OPCML: variants seen among roughly 807,000 people sequenced by gnomAD.
OPCML encodes the protein opioid-binding protein/cell adhesion molecule.
OPCML carries 13 observed loss-of-function variants against 37.8 expected under a neutral mutation model. The ratio of observed to expected loss-of-function variants is 0.34; its 90% CI spans 0.22 to 0.55. OPCML has a LOEUF of 0.55. Among genes scored for constraint, OPCML ranks in the 20% least tolerant of loss-of-function variants. The probability of loss-of-function intolerance (pLI) is 0.91; values close to 1 mark genes in which losing one functional copy is unlikely to be tolerated. For missense variants in OPCML, 341 were observed against 435.6 expected (o/e 0.78, Z 1.93); for synonymous variants, 176 against 168.8 (o/e 1.04, Z -0.33).
chr11:133,332,434 A>C (rs1026661274), intron 1 of OPCML, among the ~76,000 whole-genome samples: 40 of 152,100 alleles, frequency 2.6e-4, no homozygotes, highest in African/African-American at 7.0e-4. Context: ...TCTTGCCTGA[A>C]TGATTTGGCT....
At chr11:132,478,897 T>C (rs1386175182) in intron 4 of OPCML, among the ~76,000 whole-genome samples, 1 of 152,176 alleles carries the variant, frequency 6.6e-6, no homozygotes, top group Non-Finnish European at 1.5e-5. Flanking sequence ...TAAAAGTCAG[T>C]GATTATCCTA....
chr11:132,765,043 T>C (rs780842541), intron 2 of OPCML, among the ~76,000 whole-genome samples: 3 of 151,814 alleles, frequency 2.0e-5, no homozygotes, highest in Non-Finnish European at 4.4e-5. Context: ...AAGGTAGGCA[T>C]GAGGGAGCTA....
Position 133,458,180 on chromosome 11 carries a change from G to A in OPCML, c.61+74084C>T, listed in dbSNP as rs1460246889. ...TATATATATACATATACATATATGTGTATATATACACATATATACACGTGT... is the reference window on the plus strand; with the variant it reads ...TATATATATACATATACATATATGTATATATATACACATATATACACGTGT... On this transcript the variant is annotated intron_variant, in intron 1 of 7. Transcript: ENST00000524381. Among the ~76,000 whole-genome samples the A allele has an allele frequency of 2.6e-4, 36 of 141,176 alleles. 2 individuals are homozygous for A. Among genetic ancestry groups the A allele is most frequent in the African/African-American group, 9.6e-4 (33 of 34,488 alleles). The allele number at this position is 141,176 out of a possible 152,430, so 92.6% of individuals were successfully genotyped here. A position where few individuals can be genotyped will look rare whatever the true frequency, so the allele number is the denominator to read the frequency against.
intron 1 of OPCML, among the ~76,000 whole-genome samples, chr11:133,089,038 T>C (rs1012087041): frequency 1.3e-5 from 2 of 152,192 alleles, no homozygotes; most frequent in African/African-American, 4.8e-5. Context: ...GCCAAATGTA[T>C]CACAATGTGA....
intron 2 of OPCML, among the ~76,000 whole-genome samples, chr11:132,926,088 G>A (rs754366128): frequency 3.3e-5 from 5 of 152,156 alleles, no homozygotes; most frequent in African/African-American, 7.2e-5. Context: ...CATCAGACAC[G>A]TGGTTCCTGA....
chr11:132,538,448 A>C (rs542454871), intron 3 of OPCML, among the ~76,000 whole-genome samples: 1 of 152,304 alleles, frequency 6.6e-6, no homozygotes, highest in East Asian at 1.9e-4. Flanking sequence ...GGAGCTTCCT[A>C]TTGGAATTAT....
chr11:132,499,555 G>A (rs148812154), intron 4 of OPCML, among the ~76,000 whole-genome samples: 218 of 152,314 alleles, frequency 1.4e-3, no homozygotes, highest in Middle Eastern at 0.01. Context: ...ATGGAGCATC[G>A]CAGAGGAGGC....
At chr11:132,921,251 G>C (rs146498732) in intron 2 of OPCML, among the ~76,000 whole-genome samples, 2 of 152,128 alleles carry the variant, frequency 1.3e-5, no homozygotes, top group Non-Finnish European at 2.9e-5. Flanking sequence ...AGACAAGTTC[G>C]CCTCCCTGTT....
At chr11:132,446,130 T>TG (rs2096054379) in intron 4 of OPCML, among the ~76,000 whole-genome samples, 1 of 145,812 alleles carries the variant, frequency 6.9e-6, no homozygotes, top group Non-Finnish European at 1.5e-5. Flanking sequence ...TTTTTTTTTT[T>TG]GAGATGGGTT....
At chr11:133,193,618 A>C (rs1448205691) in intron 1 of OPCML, among the ~76,000 whole-genome samples, 1 of 152,190 alleles carries the variant, frequency 6.6e-6, no homozygotes, top group Non-Finnish European at 1.5e-5. Flanking sequence ...TCCTTTTGGA[A>C]ACAGATTTAA....
At chr11:133,082,095 G>A (rs1224637058) in intron 1 of OPCML, among the ~76,000 whole-genome samples, 1 of 151,972 alleles carries the variant, frequency 6.6e-6, no homozygotes, top group Non-Finnish European at 1.5e-5. Flanking sequence ...GGCCGGGGGT[G>A]ACCCGGGCCC....
At chr11:132,936,825 C>T (rs1014280579) in intron 2 of OPCML, among the ~76,000 whole-genome samples, 3 of 152,134 alleles carry the variant, frequency 2.0e-5, no homozygotes, top group African/African-American at 7.2e-5. Context: ...CACCCCTCCC[C>T]CAAACCCATT....
chr11:132,445,012 C>T lies in OPCML; in HGVS notation c.506-7653G>A, dbSNP rs374276283. Among the ~76,000 whole-genome samples, 31 of 152,352 alleles carry T rather than the reference C, an allele frequency of 2.0e-4. No homozygotes were observed. The South Asian group carries it at 5.4e-3, about 26-fold the overall frequency. ...GCCTGGTCAATGTCTCACTTGCTGGCGGTGACAGAAGCTCTTTGTTTTGGG... is the reference window on the plus strand; with the variant it reads ...GCCTGGTCAATGTCTCACTTGCTGGTGGTGACAGAAGCTCTTTGTTTTGGG... On this transcript the variant is annotated intron_variant, in intron 4 of 7. Coordinates refer to ENST00000524381, the MANE Select transcript of OPCML (RefSeq NM_001012393.5).
intron 1 of OPCML, among the ~76,000 whole-genome samples, chr11:133,312,611 T>C (rs1943091490): frequency 6.6e-6 from 1 of 152,178 alleles, no homozygotes; most frequent in Non-Finnish European, 1.5e-5. Flanking sequence ...AGAAAATTAG[T>C]GGAGGCTCAA....
chr11:133,087,441 C>T (rs1463759525), intron 1 of OPCML, among the ~76,000 whole-genome samples: 3 of 152,090 alleles, frequency 2.0e-5, no homozygotes, highest in Non-Finnish European at 4.4e-5. Flanking sequence ...GCCCTTCCCT[C>T]CATCCCCCTT....
intron 1 of OPCML, among the ~76,000 whole-genome samples, chr11:133,146,305 ATCTTT>A (rs1241761613): frequency 2.1e-5 from 3 of 142,434 alleles, no homozygotes; most frequent in Admixed American, 6.9e-5. Flanking sequence ...TCTATCTTCC[ATCTTT>A]TCTTTTTTTT....
chr11:132,775,511 C>A (rs1418245460), intron 2 of OPCML, among the ~76,000 whole-genome samples: 3 of 152,180 alleles, frequency 2.0e-5, no homozygotes, highest in African/African-American at 7.2e-5. Flanking sequence ...TGACAAACTG[C>A]ATGCATGTGG....
intron 1 of OPCML, among the ~76,000 whole-genome samples, chr11:133,485,361 A>C (rs1449897320): frequency 6.6e-6 from 1 of 152,178 alleles, no homozygotes; most frequent in Non-Finnish European, 1.5e-5. Flanking sequence ...AAACTACAAA[A>C]ATTATGGAGG....
In OPCML at chr11:132,766,099, TA is replaced by T. The variant is rs149991877; in HGVS notation, c.147-108781del. ...ATGTCATGGTCCCATGCTTATAATTTAAAAAAAAAAAACTAAATAAATGTTG... is the reference window on the plus strand; with the variant it reads ...ATGTCATGGTCCCATGCTTATAATTTAAAAAAAAAAACTAAATAAATGTTG... On this transcript the variant is annotated intron_variant, in intron 2 of 7. Coordinates refer to ENST00000524381, the MANE Select transcript of OPCML (RefSeq NM_001012393.5). 4.5e-3 allele frequency among the ~76,000 whole-genome samples: 673 copies of T among 148,858 alleles called. 7 individuals carry two copies. Among genetic ancestry groups the T allele is most frequent in the African/African-American group, 0.015 (597 of 40,612 alleles).
Sources: allele counts gnomAD v4.1 joint callset (sites outside exome capture counted in the v4.1 genomes callset), GRCh38; gene constraint gnomAD v4.1.1; transcripts MANE v1.5; gene names NCBI Gene and HGNC (gene_info 2026-07-23, HGNC 2026-07-21).